RNF180: variants seen among roughly 807,000 people sequenced by gnomAD.
RNF180 encodes the protein ring finger protein 180.
In RNF180, 38 loss-of-function variants were observed where a neutral mutation model predicts 59.2. The ratio of observed to expected loss-of-function variants is 0.64; its 90% confidence interval spans 0.50 to 0.84. RNF180 has a LOEUF of 0.84. Among genes scored for constraint, RNF180 ranks in the 40% least tolerant of loss-of-function variants. The pLI is 0.00. For synonymous variants in RNF180, 262 were observed against 240.3 expected (o/e 1.09, Z -0.84); for missense variants, 705 against 700.9 (o/e 1.01, Z -0.07).
At chr5:64,323,781 A>G (rs896778929) in intron 5 of RNF180, among the ~76,000 whole-genome samples, 2 of 152,102 alleles carry the variant, frequency 1.3e-5, no homozygotes, top group African/African-American at 4.8e-5. Context: ...TAAGTGGATT[A>G]CCCCATTTAA....
chr5:64,312,968 A>G (rs752060951), intron 5 of RNF180, among the ~76,000 whole-genome samples: 2 of 152,116 alleles, frequency 1.3e-5, no homozygotes, highest in Non-Finnish European at 2.9e-5. Flanking sequence ...TTTGAAGTAA[A>G]TTCAGGTTGA....
At position 64,343,031 on chromosome 5, in the gene RNF180, A is replaced by G. The variant is rs949901437; in HGVS notation, c.1579+12625A>G. ...TGTCTGCCTGACAAAAGAAAGGTCC[A>G]GTCCTCTCTGGAGGGAAATATCAAC... On this transcript the variant is annotated intron_variant, in intron 7 of 7. Transcript: ENST00000389100. Among the ~76,000 whole-genome samples, 6 of 152,168 alleles carry G rather than the reference A, an allele frequency of 3.9e-5. No individual in the cohort carries two copies. The South Asian group carries it at 1.0e-3, about 26-fold the overall frequency.
intron 5 of RNF180, among the ~76,000 whole-genome samples, chr5:64,302,986 G>A (rs545161517): frequency 7.3e-5 from 11 of 151,682 alleles, no homozygotes; most frequent in Admixed American, 3.3e-4. Context: ...CAAGTCCATC[G>A]GCATCATTTT....
intron 5 of RNF180, among the ~76,000 whole-genome samples, chr5:64,275,487 T>A (rs1419095008): frequency 6.6e-6 from 1 of 151,398 alleles, no homozygotes; most frequent in Non-Finnish European, 1.5e-5. Context: ...AATTTAAGAA[T>A]GAATGACAGT....
chr5:64,236,166 A>C (rs1053486535), intron 5 of RNF180, among the ~76,000 whole-genome samples: 1 of 152,248 alleles, frequency 6.6e-6, no homozygotes, highest in Non-Finnish European at 1.5e-5. Context: ...GTTTTAACCA[A>C]CATGCTGATA....
At chr5:64,170,738 G>T (rs974355302) in intron 1 of RNF180, among the ~76,000 whole-genome samples, 1 of 152,180 alleles carries the variant, frequency 6.6e-6, no homozygotes, top group Non-Finnish European at 1.5e-5. Flanking sequence ...AGAGAAGCAG[G>T]TGGCATCAGG....
At chr5:64,228,125 C>T (rs1234652554) in intron 5 of RNF180, among the ~76,000 whole-genome samples, 1 of 152,140 alleles carries the variant, frequency 6.6e-6, no homozygotes, top group Non-Finnish European at 1.5e-5. Flanking sequence ...TTCCTTTTTA[C>T]AAAGTAATAT....
At chr5:64,167,965 T>G (rs1749739126) in intron 1 of RNF180, among the ~76,000 whole-genome samples, 1 of 152,200 alleles carries the variant, frequency 6.6e-6, no homozygotes, top group Non-Finnish European at 1.5e-5. Context: ...CTTTGAAATG[T>G]GATTGCAGAG....
At chr5:64,343,037 C>T (rs1745419048) in intron 7 of RNF180, among the ~76,000 whole-genome samples, 1 of 152,066 alleles carries the variant, frequency 6.6e-6, no homozygotes, top group Admixed American at 6.6e-5. Context: ...GTCCAGTCCT[C>T]TCTGGAGGGA....
At chr5:64,283,101 A>C (rs1053312038) in intron 5 of RNF180, among the ~76,000 whole-genome samples, 1 of 152,172 alleles carries the variant, frequency 6.6e-6, no homozygotes, top group Non-Finnish European at 1.5e-5. Context: ...CACAATGTTG[A>C]AGCCACCTTG....
chr5:64,237,725 A>G (rs1742528634), intron 5 of RNF180, among the ~76,000 whole-genome samples: 1 of 152,044 alleles, frequency 6.6e-6, no homozygotes, highest in African/African-American at 2.4e-5. Flanking sequence ...AAGTGATTGG[A>G]TCATGGGGGT....
At position 64,213,965 on chromosome 5, in the gene RNF180, G is replaced by A; in HGVS notation, c.639G>A (p.Gln213=). The change falls in exon 4 of 8, where the codon CAG becomes CAA. Residue 213 remains glutamine (Q), a synonymous_variant. Coordinates refer to ENST00000389100, the MANE Select transcript of RNF180 (RefSeq NM_001113561.2). ...SEPKYQLFVP[Q]LVTGRCATRA... ...CAAAATACCAGCTTTTTGTTCCCCA[G>A]CTTGTGACTGGCAGATGCGCTACAA... The A allele has an allele frequency of 6.2e-7, 1 of 1,614,070 alleles. No homozygotes were observed. The highest frequency in any genetic ancestry group is 8.5e-7 in the Non-Finnish European group (1 of 1,179,996).
At position 64,225,164 on chromosome 5, in the gene RNF180, A is replaced by T. The variant is rs180685689; in HGVS notation, c.1227+7768A>T. Reference sequence around the variant, plus strand: ...TAACACACACAGAAAACTGGAACTAACCATTTTGGTCTGAGCTTAGTGCTA... The same window carrying T: ...TAACACACACAGAAAACTGGAACTATCCATTTTGGTCTGAGCTTAGTGCTA... On this transcript the variant is annotated intron_variant, in intron 5 of 7. Transcript: ENST00000389100. 7.6e-3 allele frequency among the ~76,000 whole-genome samples: 1,161 copies of T among 152,326 alleles called. 7 individuals carry two copies. The highest frequency in any genetic ancestry group is 0.012 in the South Asian group (57 of 4,828).
At chr5:64,288,203 G>T (rs1742389316) in intron 5 of RNF180, among the ~76,000 whole-genome samples, 1 of 152,300 alleles carries the variant, frequency 6.6e-6, no homozygotes, top group Admixed American at 6.5e-5. Flanking sequence ...TTGAAGATCA[G>T]ATGGTTGAAG....
intron 5 of RNF180, among the ~76,000 whole-genome samples, chr5:64,243,837 C>T (rs1422471471): frequency 6.6e-6 from 1 of 152,164 alleles, no homozygotes; most frequent in Non-Finnish European, 1.5e-5. Flanking sequence ...TCATACAGGA[C>T]AGTTCTGGCT....
At chr5:64,218,280 T>C (rs1186831955) in intron 5 of RNF180, among the ~76,000 whole-genome samples, 2 of 152,210 alleles carry the variant, frequency 1.3e-5, no homozygotes, top group African/African-American at 4.8e-5. Flanking sequence ...GAATTAGGAT[T>C]CATTTAAAAT....
chr5:64,173,672 A>G (rs1750067805), intron 1 of RNF180, among the ~76,000 whole-genome samples: 1 of 148,258 alleles, frequency 6.7e-6, no homozygotes, highest in Non-Finnish European at 1.5e-5. Flanking sequence ...TCTACTTCCC[A>G]GATTCTGGTG....
At chr5:64,359,409 GTT>G (rs1471643819) in intron 7 of RNF180, among the ~76,000 whole-genome samples, 1 of 151,928 alleles carries the variant, frequency 6.6e-6, no homozygotes, top group Admixed American at 6.6e-5. Flanking sequence ...TTTTTCATGT[GTT>G]TTTTGGCTGC....
intron 5 of RNF180, among the ~76,000 whole-genome samples, chr5:64,229,471 A>G (rs948537946): frequency 2.0e-5 from 3 of 152,222 alleles, no homozygotes; most frequent in Admixed American, 2.0e-4. Context: ...GTCGTTTGAT[A>G]ACCAAAAACG....
Sources: gnomAD v4.1 joint callset for allele counts (sites outside exome capture counted in the v4.1 genomes callset) on GRCh38, gnomAD v4.1.1 for gene constraint, MANE v1.5 for transcripts, NCBI Gene and HGNC (gene_info 2026-07-23, HGNC 2026-07-21) for gene names.